Variants in SGK1 observed in about 807,000 individuals in gnomAD.
SGK1 encodes serine/threonine-protein kinase Sgk1.
SGK1 carries 26 observed loss-of-function variants against 64.2 expected under a neutral mutation model. The observed-to-expected ratio is 0.40, with a 90% CI of 0.30 to 0.56. SGK1 has a LOEUF of 0.56. SGK1 is among the 20% of genes least tolerant of loss of function. The pLI, the probability that SGK1 is intolerant of heterozygous loss-of-function variation, is 0.38. For missense variants in SGK1, 519 were observed against 645.6 expected (o/e 0.80, Z 2.12); for synonymous variants, 265 against 239.7 (o/e 1.11, Z -0.98).
intron 1 of SGK1, among the ~76,000 whole-genome samples, chr6:134,271,936 G>A (rs1776945508): frequency 6.8e-6 from 1 of 147,122 alleles, no homozygotes. Context: ...CCACCTCCCA[G>A]GTTCAAGCAA....
intron 1 of SGK1, among the ~76,000 whole-genome samples, chr6:134,272,444 G>A (rs1206714582): frequency 6.8e-6 from 1 of 146,472 alleles, no homozygotes; most frequent in Non-Finnish European, 1.5e-5. Context: ...GTGAGCCACT[G>A]CGCCTGGCCT....
At chr6:134,201,424 C>G (rs971327562) in intron 3 of SGK1, among the ~76,000 whole-genome samples, 1 of 151,288 alleles carries the variant, frequency 6.6e-6, no homozygotes, top group African/African-American at 2.4e-5. Context: ...TACAGTGGCC[C>G]AATCTCGGCT....
chr6:134,265,491 A>T (rs112687895), intron 1 of SGK1, among the ~76,000 whole-genome samples: 6,255 of 148,010 alleles, frequency 0.042, 273 homozygotes, highest in African/African-American at 0.11. Flanking sequence ...AAACAAAAAA[A>T]ATATATATAT....
chr6:134,184,230 A>G (rs999578363), intron 3 of SGK1, among the ~76,000 whole-genome samples: 3 of 152,046 alleles, frequency 2.0e-5, no homozygotes, highest in Non-Finnish European at 4.4e-5. Context: ...CGGGAGCAGT[A>G]GCTCACGCCT....
At chr6:134,171,789 G>A (rs539134160) in intron 10 of SGK1, 57 bp from the exon 11 acceptor site, 23 of 1,125,332 alleles carry the variant, frequency 2.0e-5, no homozygotes, top group African/African-American at 3.1e-5. Context: ...GCAATCCCAC[G>A]ACCACACATT....
intron 3 of SGK1, among the ~76,000 whole-genome samples, chr6:134,185,538 A>G (rs1775408136): frequency 7.1e-6 from 1 of 141,304 alleles, no homozygotes; most frequent in Non-Finnish European, 1.6e-5. Context: ...ATGAAACTAC[A>G]CTTTCATATC....
chr6:134,312,799 G>A (rs771872060), intron 1 of SGK1, among the ~76,000 whole-genome samples: 2 of 151,792 alleles, frequency 1.3e-5, no homozygotes, highest in Non-Finnish European at 2.9e-5. Context: ...TTGAGATGGA[G>A]TCTCACTCTG....
At chr6:134,296,676 A>G (rs1164048791) in intron 1 of SGK1, among the ~76,000 whole-genome samples, 2 of 151,484 alleles carry the variant, frequency 1.3e-5, no homozygotes, top group Non-Finnish European at 2.9e-5. Flanking sequence ...ATAATCAATC[A>G]GTAAAGGATA....
chr6:134,249,727 T>C (rs1171169110), intron 2 of SGK1, among the ~76,000 whole-genome samples: 1 of 152,202 alleles, frequency 6.6e-6, no homozygotes, highest in African/African-American at 2.4e-5. Flanking sequence ...CTTTGCTGTG[T>C]GCTGGGAGAG....
rs758484687 is a variant in SGK1 at position 134,174,038 on chromosome 6, C to T, written c.480G>A (p.Glu160=). The change falls in exon 5 of 14, where the codon GAG becomes GAA. Residue 160 remains glutamate (E), a synonymous_variant. Coordinates refer to ENST00000367858, the MANE Select transcript of SGK1 (RefSeq NM_001143676.3). ...AAGGGTTGGCATTCATAAGCTCAGG[C>T]TCCTGAGGTTGGGAGATCTTCAAGA... ...QSILKISQPQ[E]PELMNANPSP... The T allele has an allele frequency of 3.7e-6, 6 of 1,613,430 alleles. No individual in the cohort carries two copies. Among genetic ancestry groups the T allele is most frequent in the South Asian group, 1.1e-5 (1 of 91,002 alleles).
At chr6:134,189,318 A>G (rs912847914) in intron 3 of SGK1, among the ~76,000 whole-genome samples, 5 of 151,966 alleles carry the variant, frequency 3.3e-5, no homozygotes, top group African/African-American at 7.3e-5. Flanking sequence ...TCATCATTTC[A>G]CAGAAGATAC....
intron 1 of SGK1, among the ~76,000 whole-genome samples, chr6:134,283,735 A>G (rs961974493): frequency 1.1e-4 from 17 of 151,598 alleles, no homozygotes; most frequent in African/African-American, 4.1e-4. Context: ...AGTCCCAGGT[A>G]CTCAGGAGGC....
intron 2 of SGK1, among the ~76,000 whole-genome samples, chr6:134,259,601 G>A (rs548279122): frequency 1.4e-4 from 21 of 152,138 alleles, no homozygotes; most frequent in Admixed American, 2.6e-4. Flanking sequence ...CTGAGATCTC[G>A]TCACTGCACT....
At chr6:134,315,947 T>C (rs999653500) in intron 1 of SGK1, among the ~76,000 whole-genome samples, 2 of 152,234 alleles carry the variant, frequency 1.3e-5, no homozygotes, top group Admixed American at 6.5e-5. Flanking sequence ...ATATTTTAGC[T>C]ACAGAGAAAA....
intron 3 of SGK1, among the ~76,000 whole-genome samples, chr6:134,191,442 G>A (rs192746972): frequency 3.4e-4 from 52 of 152,066 alleles, no homozygotes; most frequent in Non-Finnish European, 6.5e-4. Flanking sequence ...AAAGTTCTTC[G>A]TTAGGCTGTG....
chr6:134,194,170 CT>C (rs57567582), intron 3 of SGK1, among the ~76,000 whole-genome samples: 245 of 145,322 alleles, frequency 1.7e-3, no homozygotes, highest in Middle Eastern at 7.0e-3. Flanking sequence ...AGCTGGAAAT[CT>C]TTTTTTTTTT....
intron 1 of SGK1, among the ~76,000 whole-genome samples, chr6:134,265,543 C>T (rs1254088824): frequency 1.4e-5 from 2 of 146,132 alleles, no homozygotes; most frequent in African/African-American, 5.0e-5. Context: ...TTTATATACA[C>T]ATATATATTT....
At chr6:134,279,689 C>G (rs1242931599) in intron 1 of SGK1, among the ~76,000 whole-genome samples, 1 of 152,054 alleles carries the variant, frequency 6.6e-6, no homozygotes, top group African/African-American at 2.4e-5. Context: ...GGGAGAATTT[C>G]ATACATGAAA....
At position 134,283,661 on chromosome 6, in the gene SGK1, A is replaced by C. The variant is rs116601160; in HGVS notation, c.70-21513T>G. Among the ~76,000 whole-genome samples the C allele has an allele frequency of 7.7e-3, 1,164 of 151,824 alleles. 16 individuals carry two copies. Among genetic ancestry groups the C allele is most frequent in the African/African-American group, 0.027 (1,125 of 41,418 alleles). ...CTGGGAGTTTGAGATCAGCTTGGGC[A>C]ATACAGTGAGACCTTGTCTCTACAA... On this transcript the variant is annotated intron_variant, in intron 1 of 13. Coordinates refer to ENST00000367858, the MANE Select transcript of SGK1 (RefSeq NM_001143676.3).
Sources: gnomAD v4.1 joint callset for allele counts (sites outside exome capture counted in the v4.1 genomes callset) on GRCh38, gnomAD v4.1.1 for gene constraint, MANE v1.5 for transcripts, NCBI Gene and HGNC (gene_info 2026-07-23, HGNC 2026-07-21) for gene names.